The following LFNG variants were observed in gnomAD, a reference collection of about 807,000 sequenced individuals.
The protein encoded by LFNG is beta-1,3-N-acetylglucosaminyltransferase lunatic fringe.
In LFNG, 15 loss-of-function variants were observed where a neutral mutation model predicts 32.7. The ratio of observed to expected loss-of-function variants is 0.46; its 90% CI spans 0.31 to 0.71. The LOEUF is 0.71. LFNG is among the 30% of genes least tolerant of loss of function. The pLI is 0.06. For synonymous variants in LFNG, 274 were observed against 246.8 expected (o/e 1.11, Z -1.03); for missense variants, 520 against 545.7 (o/e 0.95, Z 0.47).
downstream of LFNG, chr7:2,528,533 G>A (rs542261165): frequency 2.9e-5 from 15 of 513,506 alleles, no homozygotes; most frequent in African/African-American, 1.8e-4. Context: ...TGGGTGCACC[G>A]CATGGAGCAG....
exon 1 of LFNG, chr7:2,512,652 G>A: frequency 6.2e-7 from 1 of 1,613,760 alleles, no homozygotes; most frequent in East Asian, 2.2e-5. Flanking sequence ...AAAGCTCAGA[G>A]GGATGGATGA....
rs1780046323 is a variant in LFNG, at chr7:2,528,033, A to G, written c.*821A>G. The G allele has an allele frequency of 3.2e-6, 3 of 945,720 alleles. No individual in the cohort carries two copies. The highest frequency in any genetic ancestry group is 1.0e-4 in the Admixed American group (1 of 9,812). The allele number at this position is 945,720 out of a possible 1,614,324, so 58.6% of individuals were successfully genotyped here. ...ACTGTGCTGTTTTTTTTGAAAGGGG[A>G]TGGGTAAAAAGTAGGGTGTTCTTGT... On this transcript the variant is annotated 3_prime_UTR_variant, in exon 8 of 8. Transcript: ENST00000222725.
intron 1 of LFNG, among the ~76,000 whole-genome samples, chr7:2,522,422 C>G (rs907313857): frequency 6.6e-6 from 1 of 152,202 alleles, no homozygotes; most frequent in Non-Finnish European, 1.5e-5. Flanking sequence ...AGAGCCTGGC[C>G]TTTGGCCCAG....
In LFNG at chr7:2,521,905, G is replaced by A. The variant is rs565897068; in HGVS notation, c.432+1612G>A. On this transcript the variant is annotated intron_variant, in intron 1 of 7. Transcript: ENST00000222725. ...GCGGGCACTCAGGGTCGAGGTGGGG[G>A]CCATCACTCCCTTGAGCCCTGAGGT... is the stretch of plus-strand genomic sequence containing the variant. Among the ~76,000 whole-genome samples, 16 of 152,332 alleles carry A rather than the reference G, an allele frequency of 1.1e-4. 1 individual carries two copies. The East Asian group carries it at 3.1e-3, about 29-fold the overall frequency.
At chr7:2,521,461 CG>C (rs1779790648) in intron 1 of LFNG, among the ~76,000 whole-genome samples, 1 of 152,232 alleles carries the variant, frequency 6.6e-6, no homozygotes, top group African/African-American at 2.4e-5. Flanking sequence ...AGAAAGGCGT[CG>C]GGCCCCTTGT....
upstream of LFNG, chr7:2,513,097 C>A: frequency 6.3e-7 from 1 of 1,577,960 alleles, no homozygotes; most frequent in Non-Finnish European, 8.7e-7. Context: ...CCCTGGGCAC[C>A]TTTGGGCTGG....
intron 1 of LFNG, among the ~76,000 whole-genome samples, chr7:2,524,261 C>T (rs1039901254): frequency 6.6e-6 from 1 of 151,980 alleles, no homozygotes; most frequent in Non-Finnish European, 1.5e-5. Context: ...CCTCCCGCCA[C>T]CCCGCCTGTC....
At chr7:2,513,247 A>ATG (rs1554289428), upstream of LFNG, 31 of 1,584,210 alleles carry the variant, frequency 2.0e-5, no homozygotes, top group East Asian at 6.9e-4. Flanking sequence ...ACAGATGGAC[A>ATG]GATGGATGGA....
rs745840253 is a variant in LFNG at position 2,525,242 on chromosome 7, T to C, written c.505T>C (p.Ser169Pro). 12 of 1,612,704 alleles carry C rather than the reference T, an allele frequency of 7.4e-6. No homozygotes were observed. The African/African-American group carries it at 1.3e-4, about 18-fold the overall frequency. ...AGGCAACGTGGTCATCACAAACTGC[T>C]CGGCCGCCCACAGCCGCCAGGCGCT... ...HTGNVVITNC[S>P]AAHSRQALSC... Residue 169 changes from serine to proline, a missense_variant, in exon 3 of 8, where the codon TCG becomes CCG. By Grantham distance (74) the Ser-to-Pro change is moderately conservative. Coordinates refer to ENST00000222725, the MANE Select transcript of LFNG (RefSeq NM_001040167.2).
chr7:2,514,240 T>C (rs59344450), upstream of LFNG, among the ~76,000 whole-genome samples: 53,219 of 152,198 alleles, frequency 0.35, 9,380 homozygotes, highest in South Asian at 0.5. Flanking sequence ...GCTGGGCATT[T>C]GGGAGACAGA....
At chr7:2,528,757 G>A, downstream of LFNG, 1 of 638,930 alleles carries the variant, frequency 1.6e-6, no homozygotes, top group Non-Finnish European at 2.9e-6. Context: ...CTGGCCACTG[G>A]GGAGCCCAGC....
At chr7:2,528,649 G>A (rs564697449), downstream of LFNG, among the ~76,000 whole-genome samples, 8 of 152,302 alleles carry the variant, frequency 5.3e-5, no homozygotes, top group South Asian at 4.1e-4. Flanking sequence ...CAGGGTGGTC[G>A]CTGGAGCGTG....
In LFNG at chr7:2,527,520, T is replaced by A. The variant is rs1780029516; in HGVS notation, c.*308T>A. The A allele has an allele frequency of 7.5e-7, 1 of 1,326,238 alleles. No individual in the cohort carries two copies. Among genetic ancestry groups the A allele is most frequent in the African/African-American group, 1.5e-5 (1 of 67,320 alleles). The allele number at this position is 1,326,238 out of a possible 1,614,324, so 82.2% of individuals were successfully genotyped here. On this transcript the variant is annotated 3_prime_UTR_variant, in exon 8 of 8. Coordinates refer to ENST00000222725, the MANE Select transcript of LFNG (RefSeq NM_001040167.2). The surrounding 1 kb of genome is among the most constrained non-coding windows in gnomAD (Gnocchi z 4.4). ...CACTCCGAGGGCAATTCTGTTAGGA[T>A]TTTTGGATCTTTCTACAGCTACGGG...
upstream of LFNG, among the ~76,000 whole-genome samples, chr7:2,515,623 T>G (rs1475746365): frequency 1.3e-5 from 2 of 152,194 alleles, no homozygotes; most frequent in East Asian, 3.9e-4. Flanking sequence ...AGGCCACTGT[T>G]GGAAAGGCCG....
chr7:2,518,218 T>C (rs1244847203), upstream of LFNG, among the ~76,000 whole-genome samples: 2 of 152,160 alleles, frequency 1.3e-5, no homozygotes, highest in Non-Finnish European at 2.9e-5. Flanking sequence ...GCATGGAGGC[T>C]CCAGGGCTAG....
Position 2,526,501 on chromosome 7 carries a change from C to T in LFNG, c.987+92C>T, listed in dbSNP as rs1169632158. 7.1e-7 allele frequency: 1 copy of T among 1,412,890 alleles called. No individual in the cohort carries two copies. The highest frequency in any genetic ancestry group is 9.8e-7 in the Non-Finnish European group (1 of 1,019,410). The allele number at this position is 1,412,890 out of a possible 1,614,324, so 87.5% of individuals were successfully genotyped here. A position where few individuals can be genotyped will look rare whatever the true frequency, so the allele number is the denominator to read the frequency against. Reference sequence around the variant, plus strand: ...GGGCGCAGTGGGGTGGGGCACTGTTCTAAACAGGGAGGCCAGGCAGCACTC... The same window carrying T: ...GGGCGCAGTGGGGTGGGGCACTGTTTTAAACAGGGAGGCCAGGCAGCACTC... On this transcript the variant is annotated intron_variant, in intron 6 of 7. Transcript: ENST00000222725. The surrounding 1 kb of genome is among the most constrained non-coding windows in gnomAD (Gnocchi z 6.9).
chr7:2,524,259 C>T (rs1291719184), intron 1 of LFNG, among the ~76,000 whole-genome samples: 1 of 152,206 alleles, frequency 6.6e-6, no homozygotes, highest in Non-Finnish European at 1.5e-5. Flanking sequence ...TCCCTCCCGC[C>T]ACCCCGCCTG....
chr7:2,521,266 C>T (rs1429363083), intron 1 of LFNG, among the ~76,000 whole-genome samples: 6 of 152,068 alleles, frequency 3.9e-5, no homozygotes, highest in African/African-American at 1.4e-4. Context: ...GGGGAAGGGG[C>T]CCTGGGAACC....
intron 1 of LFNG, among the ~76,000 whole-genome samples, chr7:2,524,137 C>A (rs1779871320): frequency 1.3e-5 from 2 of 152,220 alleles, no homozygotes; most frequent in Non-Finnish European, 1.5e-5. Flanking sequence ...GGTGATTCAT[C>A]CTCCCTCCAG....
Sources: gnomAD v4.1 joint callset for allele counts (sites outside exome capture counted in the v4.1 genomes callset) on GRCh38, gnomAD v4.1.1 for gene constraint, Gnocchi (gnomAD v3.1) non-coding constraint, MANE v1.5 for transcripts, NCBI Gene and HGNC (gene_info 2026-07-23, HGNC 2026-07-21) for gene names.